The following TAMM41 variants were observed in gnomAD, a reference collection of about 807,000 sequenced individuals.
TAMM41 encodes phosphatidate cytidylyltransferase, mitochondrial.
In TAMM41, 36 loss-of-function variants were observed where a neutral mutation model predicts 44.1. That is an observed-to-expected ratio of 0.82 (90% CI 0.63 to 1.08). TAMM41 has a LOEUF of 1.08. Among genes scored for constraint, TAMM41 ranks in the 50% least tolerant of loss-of-function variants. The probability of loss-of-function intolerance (pLI) is 0.00; values close to 1 mark genes in which losing one functional copy is unlikely to be tolerated. For missense variants in TAMM41, 417 were observed against 404.3 expected (o/e 1.03, Z -0.27); for synonymous variants, 164 against 153.1 (o/e 1.07, Z -0.53).
At chr3:11,802,764 C>A (rs2077790823) in intron 7 of TAMM41, among the ~76,000 whole-genome samples, 1 of 152,150 alleles carries the variant, frequency 6.6e-6, no homozygotes, top group South Asian at 2.1e-4. Flanking sequence ...AAATTATAGA[C>A]CAATATCCCT....
chr3:11,817,814 A>G (rs958057174), intron 4 of TAMM41, among the ~76,000 whole-genome samples: 1 of 152,210 alleles, frequency 6.6e-6, no homozygotes, highest in Admixed American at 6.5e-5. Context: ...CATATTTTAC[A>G]AAGGCAAAAT....
At chr3:11,799,173 C>T (rs2077683543) in intron 7 of TAMM41, among the ~76,000 whole-genome samples, 1 of 152,080 alleles carries the variant, frequency 6.6e-6, no homozygotes, top group African/African-American at 2.4e-5. Context: ...TAGAACCTGT[C>T]TCCAAAAAAA....
chr3:11,761,025 A>G, the TAMM41 span, among the ~76,000 whole-genome samples: 3 of 151,990 alleles, frequency 2.0e-5, no homozygotes, highest in Non-Finnish European at 4.4e-5. Context: ...AAAATTAGCC[A>G]GGCATGGTGG....
At chr3:11,836,972 T>A (rs1440482370) in intron 3 of TAMM41, among the ~76,000 whole-genome samples, 1 of 152,242 alleles carries the variant, frequency 6.6e-6, no homozygotes, top group Non-Finnish European at 1.5e-5. Flanking sequence ...AAAGTAAAAG[T>A]TACAGTGAAG....
At chr3:11,836,792 C>G (rs1337574943) in intron 3 of TAMM41, among the ~76,000 whole-genome samples, 1 of 151,978 alleles carries the variant, frequency 6.6e-6, no homozygotes, top group Non-Finnish European at 1.5e-5. Flanking sequence ...AACAAACAAA[C>G]AAAACAAAAA....
chr3:11,780,464 T>G, the TAMM41 span, among the ~76,000 whole-genome samples: 1 of 152,176 alleles, frequency 6.6e-6, no homozygotes, highest in Non-Finnish European at 1.5e-5. Flanking sequence ...ACCAAGTGAC[T>G]GAAAGACAGT....
the TAMM41 span, among the ~76,000 whole-genome samples, chr3:11,730,595 G>A: frequency 1.3e-4 from 20 of 151,898 alleles, no homozygotes; most frequent in Non-Finnish European, 2.1e-4. Flanking sequence ...TTAGCCGGGC[G>A]TGGCGGTGGG....
At chr3:11,825,860 T>C (rs545574441) in intron 4 of TAMM41, among the ~76,000 whole-genome samples, 26 of 152,112 alleles carry the variant, frequency 1.7e-4, no homozygotes, top group African/African-American at 6.0e-4. Flanking sequence ...GGTGTGATCA[T>C]AGTTCACTGC....
the TAMM41 span, among the ~76,000 whole-genome samples, chr3:11,772,316 C>T: frequency 5.3e-5 from 8 of 150,210 alleles, no homozygotes; most frequent in Non-Finnish European, 8.9e-5. Context: ...CTCCTGACCT[C>T]GTGATCCGCC....
intron 6 of TAMM41, 40 bp from the exon 7 acceptor site, chr3:11,807,935 A>G (rs2077968870): frequency 2.0e-6 from 3 of 1,486,874 alleles, no homozygotes; most frequent in Middle Eastern, 3.5e-4. Context: ...AAAAAACCCA[A>G]AACAGATGTT....
the TAMM41 span, among the ~76,000 whole-genome samples, chr3:11,766,635 T>C: frequency 6.6e-6 from 1 of 152,124 alleles, no homozygotes; most frequent in Non-Finnish European, 1.5e-5. Flanking sequence ...TGGGTACAAA[T>C]GGCTCACTGC....
chr3:11,763,228 C>T, the TAMM41 span, among the ~76,000 whole-genome samples: 1 of 152,140 alleles, frequency 6.6e-6, no homozygotes, highest in Non-Finnish European at 1.5e-5. Context: ...AGCCTTGACC[C>T]CTTGGGCTCA....
intron 4 of TAMM41, among the ~76,000 whole-genome samples, chr3:11,825,442 A>C (rs1294377353): frequency 6.6e-6 from 1 of 152,188 alleles, no homozygotes. Flanking sequence ...ACTGCTTGTA[A>C]GGTTTCAGAT....
the TAMM41 span, among the ~76,000 whole-genome samples, chr3:11,748,914 T>TG: frequency 1.1e-3 from 159 of 146,140 alleles, no homozygotes; most frequent in African/African-American, 3.9e-3. Flanking sequence ...GAAGTAGATT[T>TG]TTTTTTTTTT....
At chr3:11,758,265 A>T in the TAMM41 span, among the ~76,000 whole-genome samples, 1 of 152,208 alleles carries the variant, frequency 6.6e-6, no homozygotes, top group African/African-American at 2.4e-5. Context: ...GTTCTGGGAC[A>T]TTTTGTTTTT....
downstream of TAMM41, among the ~76,000 whole-genome samples, chr3:11,788,669 C>T (rs1232179703): frequency 1.3e-5 from 2 of 152,212 alleles, no homozygotes; most frequent in Non-Finnish European, 2.9e-5. Flanking sequence ...AGCACAGTGG[C>T]TCACGCCTGT....
intron 7 of TAMM41, among the ~76,000 whole-genome samples, chr3:11,806,637 G>A (rs1324051848): frequency 6.6e-6 from 1 of 152,054 alleles, no homozygotes; most frequent in African/African-American, 2.4e-5. Context: ...AATAAAAGGA[G>A]TTCCAGAAAG....
At chr3:11,745,008 T>A in the TAMM41 span, among the ~76,000 whole-genome samples, 1 of 152,120 alleles carries the variant, frequency 6.6e-6, no homozygotes, top group African/African-American at 2.4e-5. Flanking sequence ...GGATTACAGG[T>A]GCCCACCACC....
At chr3:11,730,695 T>C in the TAMM41 span, among the ~76,000 whole-genome samples, 29 of 144,086 alleles carry the variant, frequency 2.0e-4, no homozygotes, top group African/African-American at 7.0e-4. Context: ...GATCACGCCA[T>C]TGCACTCCAG....
Sources: allele counts gnomAD v4.1 joint callset (sites outside exome capture counted in the v4.1 genomes callset), GRCh38; gene constraint gnomAD v4.1.1; transcripts MANE v1.5; gene names NCBI Gene and HGNC (gene_info 2026-07-23, HGNC 2026-07-21).